Variants in KHDRBS2 observed in about 807,000 individuals in gnomAD.
The protein encoded by KHDRBS2 is KH RNA binding domain containing, signal transduction associated 2, also known as KH domain-containing, RNA-binding, signal transduction-associated protein 2.
In KHDRBS2, 26 loss-of-function variants were observed where a neutral mutation model predicts 44.3. The ratio of observed to expected loss-of-function variants is 0.59; its 90% CI spans 0.43 to 0.81. KHDRBS2 has a LOEUF of 0.81. Among genes scored for constraint, KHDRBS2 ranks in the 40% least tolerant of loss-of-function variants. The probability of loss-of-function intolerance (pLI) is 0.00; values close to 1 mark genes in which losing one functional copy is unlikely to be tolerated. For missense variants in KHDRBS2, 476 were observed against 433.1 expected (o/e 1.10, Z -0.88); for synonymous variants, 194 against 151.1 (o/e 1.28, Z -2.08).
intron 3 of KHDRBS2, 47 bp from the exon 4 acceptor site, chr6:61,978,259 T>C (rs764604606): frequency 7.6e-6 from 11 of 1,443,732 alleles, no homozygotes; most frequent in Non-Finnish European, 9.6e-6. Context: ...TCATTTTACA[T>C]TGATTTAACA....
intron 6 of KHDRBS2, among the ~76,000 whole-genome samples, chr6:61,887,633 AATGCTGAGGCTCAGC>A (rs1801163326): frequency 6.6e-6 from 1 of 152,188 alleles, no homozygotes; most frequent in East Asian, 1.9e-4. Flanking sequence ...TCAGAAATTT[AATGCTGAGGCTCAGC>A]AGGGGAGAAA....
the KHDRBS2 span, among the ~76,000 whole-genome samples, chr6:61,610,189 A>T: frequency 6.6e-4 from 64 of 96,828 alleles, no homozygotes; most frequent in African/African-American, 2.2e-3. Flanking sequence ...ATATATATTT[A>T]AAAAAAAAAA....
chr6:61,793,228 A>T (rs1784866717), intron 6 of KHDRBS2, among the ~76,000 whole-genome samples: 1 of 152,056 alleles, frequency 6.6e-6, no homozygotes, highest in Non-Finnish European at 1.5e-5. Flanking sequence ...AACCCACTTC[A>T]CAATATTTAT....
At chr6:61,777,481 C>T (rs1782259003) in intron 6 of KHDRBS2, among the ~76,000 whole-genome samples, 2 of 152,054 alleles carry the variant, frequency 1.3e-5, no homozygotes, top group Non-Finnish European at 2.9e-5. Context: ...ACTTATTTTG[C>T]TTCTCCCTTG....
At chr6:62,116,928 C>A (rs1806380208) in intron 2 of KHDRBS2, among the ~76,000 whole-genome samples, 2 of 152,130 alleles carry the variant, frequency 1.3e-5, no homozygotes, top group South Asian at 4.1e-4. Context: ...GGATTTCACT[C>A]TTTTCTTTAT....
At chr6:62,044,490 CTG>C (rs1194871184) in intron 3 of KHDRBS2, among the ~76,000 whole-genome samples, 1 of 151,070 alleles carries the variant, frequency 6.6e-6, no homozygotes, top group East Asian at 2.0e-4. Context: ...GAATGAGACA[CTG>C]TCAGAAAAAA....
At chr6:61,892,593 T>C (rs1057294376) in intron 6 of KHDRBS2, among the ~76,000 whole-genome samples, 1 of 152,018 alleles carries the variant, frequency 6.6e-6, no homozygotes, top group Non-Finnish European at 1.5e-5. Context: ...TAAGAAATAA[T>C]GCCACATATC....
At chr6:61,630,994 C>T in the KHDRBS2 span, among the ~76,000 whole-genome samples, 1 of 152,034 alleles carries the variant, frequency 6.6e-6, no homozygotes, top group Non-Finnish European at 1.5e-5. Context: ...AGTAACACTT[C>T]GTCTTTCTTT....
intron 1 of KHDRBS2, among the ~76,000 whole-genome samples, chr6:62,194,844 T>A (rs532119980): frequency 2.0e-5 from 3 of 152,148 alleles, no homozygotes; most frequent in Admixed American, 2.0e-4. Flanking sequence ...TAGTAAATTT[T>A]TAAATTTACT....
chr6:61,549,087 G>A, the KHDRBS2 span, among the ~76,000 whole-genome samples: 1 of 152,100 alleles, frequency 6.6e-6, no homozygotes, highest in Admixed American at 6.6e-5. Context: ...GAAATACGGT[G>A]AATAATGCAA....
chr6:61,600,603 G>A, the KHDRBS2 span, among the ~76,000 whole-genome samples: 106 of 152,270 alleles, frequency 7.0e-4, no homozygotes, highest in South Asian at 1.0e-3. Flanking sequence ...CACAAAGCCT[G>A]TTTGGTGGTC....
At chr6:61,899,740 C>CCA (rs1265963583) in intron 5 of KHDRBS2, among the ~76,000 whole-genome samples, 1 of 141,602 alleles carries the variant, frequency 7.1e-6, no homozygotes, top group Non-Finnish European at 1.6e-5. Flanking sequence ...AATGCCCCCC[C>CCA]CCCGCATTTT....
chr6:62,071,332 C>T (rs1456408180), intron 2 of KHDRBS2, among the ~76,000 whole-genome samples: 1 of 152,124 alleles, frequency 6.6e-6, no homozygotes, highest in Non-Finnish European at 1.5e-5. Context: ...TGTGCAGAAG[C>T]TCTTGAGTTT....
intron 6 of KHDRBS2, among the ~76,000 whole-genome samples, chr6:61,781,397 A>G (rs1021084722): frequency 1.3e-5 from 2 of 152,112 alleles, no homozygotes; most frequent in East Asian, 3.9e-4. Flanking sequence ...ACCCAGGCTA[A>G]CCCTTTTCTA....
chr6:61,692,180 C>T (rs1446771619), intron 8 of KHDRBS2, among the ~76,000 whole-genome samples: 1 of 151,958 alleles, frequency 6.6e-6, no homozygotes, highest in Non-Finnish European at 1.5e-5. Context: ...AATTATAAGC[C>T]ATTCTGACTC....
chr6:61,894,552 A>C, intron 6 of KHDRBS2, 83 bp downstream of exon 6: 1 of 1,079,170 alleles, frequency 9.3e-7, no homozygotes, highest in African/African-American at 1.6e-5. Flanking sequence ...TGCTATATTC[A>C]CGGTATATGA....
intron 4 of KHDRBS2, among the ~76,000 whole-genome samples, chr6:61,917,013 T>C (rs1327659873): frequency 6.9e-6 from 1 of 145,420 alleles, no homozygotes; most frequent in African/African-American, 2.5e-5. Context: ...CAAAATGATA[T>C]TGAAACTTAG....
intron 1 of KHDRBS2, among the ~76,000 whole-genome samples, chr6:62,225,300 T>G (rs546885261): frequency 6.6e-6 from 1 of 152,208 alleles, no homozygotes; most frequent in African/African-American, 2.4e-5. Context: ...CTAGATTAGA[T>G]GAAGAGTATC....
intron 4 of KHDRBS2, among the ~76,000 whole-genome samples, chr6:61,928,256 T>C (rs1809348297): frequency 6.6e-6 from 1 of 152,138 alleles, no homozygotes; most frequent in Non-Finnish European, 1.5e-5. Context: ...TATTCAAATT[T>C]ATGCTTGCTT....
Sources: gnomAD v4.1 joint callset for allele counts (sites outside exome capture counted in the v4.1 genomes callset) on GRCh38, gnomAD v4.1.1 for gene constraint, MANE v1.5 for transcripts, NCBI Gene and HGNC (gene_info 2026-07-23, HGNC 2026-07-21) for gene names.